The following HDAC9 variants were observed in gnomAD, a reference collection of about 807,000 sequenced individuals.
HDAC9 encodes MEF-2 interacting transcription repressor (MITR) protein.
Under a neutral mutation model 139.4 loss-of-function variants are expected in HDAC9, and 41 were observed. The ratio of observed to expected loss-of-function variants is 0.29; its 90% CI spans 0.23 to 0.38. The LOEUF is 0.38. HDAC9 is among the 10% of genes least tolerant of loss of function. HDAC9 has a pLI of 1.00. For missense variants in HDAC9, 1,147 were observed against 1,297.0 expected, an observed-to-expected ratio of 0.88 and a Z score of 1.78; for synonymous variants, 517 against 476.2, an observed-to-expected ratio of 1.09 and a Z score of -1.12.
intron 25 of HDAC9, among the ~76,000 whole-genome samples, chr7:18,987,308 G>T (rs1425710325): frequency 3.3e-5 from 5 of 152,190 alleles, no homozygotes; most frequent in Non-Finnish European, 7.3e-5. Flanking sequence ...GGCCTTTTCT[G>T]CATCTATTGA....
intron 2 of HDAC9, among the ~76,000 whole-genome samples, chr7:18,277,167 C>T (rs575182372): frequency 6.1e-5 from 9 of 147,966 alleles, no homozygotes; most frequent in African/African-American, 1.9e-4. Flanking sequence ...CTAGAGGAGA[C>T]CCAAGTTTAG....
chr7:18,956,526 A>G (rs1783161195), intron 24 of HDAC9, among the ~76,000 whole-genome samples: 1 of 152,100 alleles, frequency 6.6e-6, no homozygotes, highest in Non-Finnish European at 1.5e-5. Context: ...TAGGACTTGA[A>G]TAACTCTTCA....
chr7:18,589,038 TTC>T (rs1830218514), intron 3 of HDAC9, among the ~76,000 whole-genome samples: 1 of 152,180 alleles, frequency 6.6e-6, no homozygotes. Flanking sequence ...AAGAGAGATA[TTC>T]TCTCTCTTAC....
intron 13 of HDAC9, among the ~76,000 whole-genome samples, chr7:18,729,792 A>G (rs1409482116): frequency 1.3e-5 from 2 of 152,200 alleles, no homozygotes; most frequent in Non-Finnish European, 2.9e-5. Flanking sequence ...TGATAAGGCA[A>G]TTCCTTGTCC....
rs1563117619 is a variant in HDAC9, at chr7:18,994,780, A to G, written c.3171-1243A>G. On this transcript the variant is annotated intron_variant, in intron 25 of 25. Coordinates refer to ENST00000686413, the MANE Select transcript of HDAC9 (RefSeq NM_178425.4). ...TTTTCTTATAAATCTGTAAAATAAC[A>G]TGGCCAAACATTTCATTTGTTTGCA... 3.3e-5 allele frequency among the ~76,000 whole-genome samples: 5 copies of G among 152,174 alleles called. No homozygotes were observed. In the East Asian group the frequency reaches 9.6e-4, roughly 29 times the overall value.
At chr7:18,930,005 T>C (rs1804593978) in intron 22 of HDAC9, among the ~76,000 whole-genome samples, 1 of 152,078 alleles carries the variant, frequency 6.6e-6, no homozygotes, top group African/African-American at 2.4e-5. Flanking sequence ...GTATACAGAT[T>C]CTTTTGTAGT....
At chr7:18,208,307 A>T (rs1381865896) in intron 2 of HDAC9, among the ~76,000 whole-genome samples, 1 of 151,610 alleles carries the variant, frequency 6.6e-6, no homozygotes, top group African/African-American at 2.4e-5. Flanking sequence ...GACTCCCCTA[A>T]TCTGAAGCCA....
intron 1 of HDAC9, among the ~76,000 whole-genome samples, chr7:18,306,104 G>A (rs997926754): frequency 6.6e-6 from 1 of 152,208 alleles, no homozygotes; most frequent in Non-Finnish European, 1.5e-5. Flanking sequence ...AAAACAATAT[G>A]TTATCAAGTA....
intron 19 of HDAC9, among the ~76,000 whole-genome samples, chr7:18,834,033 A>T (rs750140325): frequency 3.3e-5 from 5 of 152,232 alleles, no homozygotes; most frequent in Admixed American, 3.3e-4. Flanking sequence ...CCTTTGGAAT[A>T]GGAAGTAGAT....
chr7:18,422,373 T>C (rs1789700915), intron 1 of HDAC9, among the ~76,000 whole-genome samples: 1 of 152,126 alleles, frequency 6.6e-6, no homozygotes, highest in Non-Finnish European at 1.5e-5. Context: ...AGCCAAGCAA[T>C]AGCAACAAGA....
At chr7:18,657,906 A>G (rs560662014) in intron 11 of HDAC9, among the ~76,000 whole-genome samples, 2 of 151,782 alleles carry the variant, frequency 1.3e-5, no homozygotes, top group East Asian at 1.9e-4. Context: ...TGCCTTCATC[A>G]TCTCCTCCCT....
intron 16 of HDAC9, among the ~76,000 whole-genome samples, chr7:18,779,949 G>A (rs1215988107): frequency 1.3e-5 from 2 of 152,026 alleles, no homozygotes; most frequent in African/African-American, 2.4e-5. Flanking sequence ...CAGTGATTAG[G>A]CATCTAGGCA....
At chr7:18,496,707 ACTG>A (rs1395650564) in intron 2 of HDAC9, 3 of 169,204 alleles carry the variant, frequency 1.8e-5, no homozygotes, top group African/African-American at 7.1e-5. Context: ...TTCAGTTTAA[ACTG>A]CAGCCCCGCT....
At chr7:18,560,250 T>C (rs1820168620) in intron 2 of HDAC9, among the ~76,000 whole-genome samples, 1 of 152,190 alleles carries the variant, frequency 6.6e-6, no homozygotes, top group African/African-American at 2.4e-5. Flanking sequence ...GGCTCACTCC[T>C]GCTATTCTAC....
At chr7:18,181,404 G>C (rs1464103562) in intron 2 of HDAC9, among the ~76,000 whole-genome samples, 2 of 152,156 alleles carry the variant, frequency 1.3e-5, no homozygotes, top group Admixed American at 6.5e-5. Flanking sequence ...AAAGGTAAAA[G>C]AGACAATTTA....
At chr7:18,634,300 A>G (rs1361346311) in intron 7 of HDAC9, among the ~76,000 whole-genome samples, 1 of 151,518 alleles carries the variant, frequency 6.6e-6, no homozygotes, top group East Asian at 1.9e-4. Context: ...CTGTAATAGC[A>G]TAAGAGCAAG....
chr7:18,754,026 T>C (rs1440747309), intron 14 of HDAC9, among the ~76,000 whole-genome samples: 2 of 152,142 alleles, frequency 1.3e-5, no homozygotes, highest in Non-Finnish European at 2.9e-5. Flanking sequence ...CTAATCCTGA[T>C]TAGTAGCCAG....
At chr7:18,543,065 TA>T (rs780928552) in intron 2 of HDAC9, 5 of 152,188 alleles carry the variant, frequency 3.3e-5, no homozygotes, top group Non-Finnish European at 1.5e-5. Flanking sequence ...AAGATAATAA[TA>T]GAAATATTTA....
chr7:18,855,138 A>G (rs1797581789), intron 21 of HDAC9, among the ~76,000 whole-genome samples: 1 of 152,212 alleles, frequency 6.6e-6, no homozygotes, highest in Non-Finnish European at 1.5e-5. Flanking sequence ...AAACCAGAGC[A>G]GTAATAGGAC....
Sources: gnomAD v4.1 joint callset for allele counts (sites outside exome capture counted in the v4.1 genomes callset) on GRCh38, gnomAD v4.1.1 for gene constraint, MANE v1.5 for transcripts, NCBI Gene and HGNC (gene_info 2026-07-23, HGNC 2026-07-21) for gene names.